Variants in MAP3K2 observed in about 807,000 individuals in gnomAD.
The protein encoded by MAP3K2 is MAP/ERK kinase kinase 2.
A neutral mutation model predicts 80.3 loss-of-function variants in MAP3K2; 24 were observed. The ratio of observed to expected loss-of-function variants is 0.30; its 90% CI spans 0.22 to 0.42. MAP3K2 has a LOEUF of 0.42. Ranked by LOEUF, MAP3K2 falls within the 10% of genes least tolerant of loss-of-function variation. The probability of loss-of-function intolerance (pLI) is 1.00; values close to 1 mark genes in which losing one functional copy is unlikely to be tolerated. For synonymous variants in MAP3K2, 244 were observed against 253.7 expected (o/e 0.96, Z 0.36); for missense variants, 608 against 750.1 (o/e 0.81, Z 2.21).
In MAP3K2 at chr2:127,325,652, C is replaced by T. The variant is rs750782636; in HGVS notation, c.677+76G>A. On this transcript the variant is annotated intron_variant, in intron 9 of 16. Transcript: ENST00000682094. ...GCAGTAAGCCGCATTCACGCCACTG[C>T]GCTCCAGCCTGGGTGACAGCAAAAC... is the stretch of plus-strand genomic sequence containing the variant. The T allele has an allele frequency of 4.0e-5, 46 of 1,164,464 alleles. No individual in the cohort carries two copies. In the East Asian group the frequency reaches 7.5e-4, roughly 19 times the overall value. The allele number at this position is 1,164,464 out of a possible 1,614,324, so 72.1% of individuals were successfully genotyped here.
intron 9 of MAP3K2, 66 bp from the exon 10 acceptor site, chr2:127,324,307 G>C: frequency 1.1e-6 from 1 of 945,706 alleles, no homozygotes; most frequent in Non-Finnish European, 1.6e-6. Flanking sequence ...GAAAATCTTT[G>C]AGCAATATCT....
chr2:127,351,775 T>C (rs1359011059), intron 1 of MAP3K2, among the ~76,000 whole-genome samples: 1 of 152,198 alleles, frequency 6.6e-6, no homozygotes, highest in East Asian at 1.9e-4. Flanking sequence ...GCTCTCTCTC[T>C]GTCAGAAAGT....
chr2:127,379,181 TATATTA>T (rs1687202438), intron 1 of MAP3K2, among the ~76,000 whole-genome samples: 3 of 152,086 alleles, frequency 2.0e-5, no homozygotes, highest in South Asian at 4.1e-4. Flanking sequence ...GTATTCCCCT[TATATTA>T]ATAACTTTTT....
At chr2:127,385,871 A>G (rs1006771247) in intron 1 of MAP3K2, among the ~76,000 whole-genome samples, 7 of 152,374 alleles carry the variant, frequency 4.6e-5, no homozygotes, top group Admixed American at 6.5e-5. Context: ...AACATTGCTT[A>G]TAAGACTCAG....
At chr2:127,330,368 T>C (rs1686230590) in intron 6 of MAP3K2, 24 bp downstream of exon 6, 2 of 1,231,148 alleles carry the variant, frequency 1.6e-6, no homozygotes, top group South Asian at 2.7e-5. Flanking sequence ...TAATTCTTAC[T>C]GAAAAAAATA....
rs1686429137 is a variant in MAP3K2, at chr2:127,339,122, A to T, written c.5-72T>A. On this transcript the variant is annotated intron_variant, in intron 2 of 16. Coordinates refer to ENST00000682094, the MANE Select transcript of MAP3K2 (RefSeq NM_001371910.2). The surrounding 1 kb of genome is among the most constrained non-coding windows in gnomAD (Gnocchi z 4.2). ...TATATATCAACATGTATAGACATCA[A>T]ACACAAAATTTAAAATAAAATTTGA... 3 of 876,632 alleles carry T rather than the reference A, an allele frequency of 3.4e-6. No homozygotes were observed. The highest frequency in any genetic ancestry group is 3.5e-6 in the Non-Finnish European group (2 of 564,048). 54.3% of individuals were successfully genotyped at this position (876,632 alleles called of 1,614,324 possible). A position where few individuals can be genotyped will look rare whatever the true frequency, so the allele number is the denominator to read the frequency against.
intron 7 of MAP3K2, among the ~76,000 whole-genome samples, chr2:127,327,152 AC>A (rs1262042963): frequency 2.6e-5 from 4 of 152,160 alleles, no homozygotes; most frequent in African/African-American, 9.7e-5. Flanking sequence ...TGAGACAATA[AC>A]CCACTCTATT....
In MAP3K2 at chr2:127,314,426, A is replaced by G. The variant is rs928607796; in HGVS notation, c.1456+328T>C. ...GCCACACGGTGTGGATAAAAGCCCA[A>G]ATTTGAATCAGGCCATCTGGCAGCA... On this transcript the variant is annotated intron_variant, in intron 15 of 16. Transcript: ENST00000682094. Among the ~76,000 whole-genome samples the G allele has an allele frequency of 3.9e-5, 6 of 152,344 alleles. No homozygotes were observed. In the East Asian group the frequency reaches 1.2e-3, roughly 29 times the overall value.
At chr2:127,386,027 C>T (rs1415575557) in intron 1 of MAP3K2, among the ~76,000 whole-genome samples, 1 of 152,176 alleles carries the variant, frequency 6.6e-6, no homozygotes, top group Non-Finnish European at 1.5e-5. Context: ...AACAACAAAT[C>T]AATCTGTAAA....
chr2:127,330,482 T>C lies in MAP3K2; in HGVS notation c.288A>G (p.Gln96=). 1 of 1,604,120 alleles carries C rather than the reference T, an allele frequency of 6.2e-7. No individual in the cohort carries two copies. ...GTTCCACAGCTTTGTCCAAGTCATC[T>C]TGAGTAGTTAATGGAATTACCAACT... ...NNELVIPLTT[Q]DDLDKAVELL... Residue 96 remains glutamine, a synonymous_variant, in exon 6 of 17, where the codon CAA becomes CAG. Coordinates refer to ENST00000682094, the MANE Select transcript of MAP3K2 (RefSeq NM_001371910.2).
At chr2:127,341,666 G>C (rs187239602) in intron 2 of MAP3K2, among the ~76,000 whole-genome samples, 1,593 of 151,374 alleles carry the variant, frequency 0.011, 23 homozygotes, top group African/African-American at 0.036. Context: ...CTGAGTAGCT[G>C]GGACTACAGG....
In MAP3K2 at chr2:127,352,644, G is replaced by A. The variant is rs115399612; in HGVS notation, c.-65-9450C>T. 3.6e-3 allele frequency among the ~76,000 whole-genome samples: 554 copies of A among 152,140 alleles called. 7 individuals are homozygous for A. The highest frequency in any genetic ancestry group is 0.012 in the African/African-American group (517 of 41,456). ...TAATCCTTGGCCACATGCTTAGGATGGCAAAGCAGTAAGTTAAAAAAGAGT... is the reference window on the plus strand; with the variant it reads ...TAATCCTTGGCCACATGCTTAGGATAGCAAAGCAGTAAGTTAAAAAAGAGT... On this transcript the variant is annotated intron_variant, in intron 1 of 16. Coordinates refer to ENST00000682094, the MANE Select transcript of MAP3K2 (RefSeq NM_001371910.2).
At position 127,337,731 on chromosome 2, in the gene MAP3K2, T is replaced by G; in HGVS notation, c.164+7A>C. The stretch of plus-strand genomic sequence containing the variant: ...AATTAATTAACATGTAATGTTTCCT[T>G]CCTTACCTTTTTTCTCCTCTATGTT... On this transcript the variant is annotated splice_region_variant and intron_variant, in intron 4 of 16. Coordinates refer to ENST00000682094, the MANE Select transcript of MAP3K2 (RefSeq NM_001371910.2). 6.8e-7 allele frequency: 1 copy of G among 1,473,204 alleles called. No individual in the cohort carries two copies. The highest frequency in any genetic ancestry group is 1.4e-5 in the African/African-American group (1 of 71,270). The allele number at this position is 1,473,204 out of a possible 1,614,324, so 91.3% of individuals were successfully genotyped here.
At chr2:127,347,475 A>G (rs1296595283) in intron 1 of MAP3K2, among the ~76,000 whole-genome samples, 1 of 152,102 alleles carries the variant, frequency 6.6e-6, no homozygotes, top group Non-Finnish European at 1.5e-5. Flanking sequence ...TAAGAAATCA[A>G]TTTCATTTAC....
At chr2:127,331,619 T>C (rs1686257530) in intron 5 of MAP3K2, among the ~76,000 whole-genome samples, 1 of 152,210 alleles carries the variant, frequency 6.6e-6, no homozygotes, top group Admixed American at 6.5e-5. Context: ...GGGTTTTTGA[T>C]TTTTTGTTTT....
intron 1 of MAP3K2, among the ~76,000 whole-genome samples, chr2:127,353,311 G>A (rs1243052968): frequency 6.6e-6 from 1 of 151,214 alleles, no homozygotes; most frequent in Non-Finnish European, 1.5e-5. Flanking sequence ...CTGCCCCGCC[G>A]CCCCGTCTGG....
rs531575888 is a variant in MAP3K2 at position 127,387,002 on chromosome 2, G to A, written c.-66+450C>T. 6.3e-4 allele frequency among the ~76,000 whole-genome samples: 96 copies of A among 152,266 alleles called. 1 individual carries two copies. The highest frequency in any genetic ancestry group is 2.3e-3 in the African/African-American group (94 of 41,550). Reference sequence around the variant, plus strand: ...GGGAAGATGAAGAGAGATAATGCATGACAACTGCCGGGCGCAGACTAAGAG... The same window carrying A: ...GGGAAGATGAAGAGAGATAATGCATAACAACTGCCGGGCGCAGACTAAGAG... On this transcript the variant is annotated intron_variant, in intron 1 of 16. Coordinates refer to ENST00000682094, the MANE Select transcript of MAP3K2 (RefSeq NM_001371910.2).
chr2:127,327,781 C>A (rs1484270385), intron 7 of MAP3K2, among the ~76,000 whole-genome samples: 1 of 152,128 alleles, frequency 6.6e-6, no homozygotes. Flanking sequence ...CTAGCAAAGC[C>A]ATTCCAAGTT....
rs571164824 is a variant in MAP3K2 at position 127,325,966 on chromosome 2, C to G, written c.598-159G>C. On this transcript the variant is annotated intron_variant, in intron 8 of 16. Transcript: ENST00000682094. ...TTAGAATACTGAGAGTTGTGCAACC[C>G]TCACTCACAATTTTAGAACAATTCC... 3.9e-5 allele frequency among the ~76,000 whole-genome samples: 6 copies of G among 152,194 alleles called. No individual in the cohort carries two copies. In the South Asian group the frequency reaches 6.2e-4, roughly 16 times the overall value.
Sources: allele counts gnomAD v4.1 joint callset (sites outside exome capture counted in the v4.1 genomes callset), GRCh38; gene constraint gnomAD v4.1.1; non-coding constraint Gnocchi (gnomAD v3.1); transcripts MANE v1.5; gene names NCBI Gene and HGNC (gene_info 2026-07-23, HGNC 2026-07-21).